Variants in IFT80 observed in about 807,000 individuals in gnomAD.
IFT80 encodes intraflagellar transport protein 80 homolog.
Under a neutral mutation model 107.9 loss-of-function variants are expected in IFT80, and 79 were observed. The ratio of observed to expected loss-of-function variants is 0.73; its 90% CI spans 0.61 to 0.88. The LOEUF is 0.88. IFT80 is among the 40% of genes least tolerant of loss of function. The pLI is 0.00. For missense variants in IFT80, 797 were observed against 914.2 expected (o/e 0.87, Z 1.65); for synonymous variants, 299 against 300.9 (o/e 0.99, Z 0.07).
chr3:160,351,660 T>C (rs1431725413), intron 8 of IFT80, among the ~76,000 whole-genome samples: 1 of 146,350 alleles, frequency 6.8e-6, no homozygotes, highest in East Asian at 2.0e-4. Flanking sequence ...TACATATGCA[T>C]ACATACACAC....
At chr3:160,392,860 A>T (rs763506145) in intron 1 of IFT80, among the ~76,000 whole-genome samples, 7 of 152,216 alleles carry the variant, frequency 4.6e-5, no homozygotes, top group Non-Finnish European at 5.9e-5. Context: ...GCTTGAGGCC[A>T]GGAGTTCAAG....
chr3:160,385,252 AAAG>A (rs1712833841), intron 1 of IFT80, among the ~76,000 whole-genome samples: 1 of 152,234 alleles, frequency 6.6e-6, no homozygotes, highest in African/African-American at 2.4e-5. Context: ...AAACTTAGGA[AAAG>A]AAGAATAACA....
At chr3:160,279,906 A>T (rs2108230067) in intron 15 of IFT80, among the ~76,000 whole-genome samples, 1 of 152,342 alleles carries the variant, frequency 6.6e-6, no homozygotes, top group Non-Finnish European at 1.5e-5. Context: ...TTGGCAACAG[A>T]GTGTGACCTT....
chr3:160,333,777 T>C (rs1346153403), intron 8 of IFT80, among the ~76,000 whole-genome samples: 4 of 152,194 alleles, frequency 2.6e-5, no homozygotes, highest in African/African-American at 9.7e-5. Flanking sequence ...AGTTAACTTC[T>C]TTTTAAAATT....
In IFT80 at chr3:160,277,363, TGAA is replaced by T. The variant is rs1169822318; in HGVS notation, c.2039_2041del (p.Leu680del). The T allele has an allele frequency of 6.2e-7, 1 of 1,613,668 alleles. No homozygotes were observed. The highest frequency in any genetic ancestry group is 8.5e-7 in the Non-Finnish European group (1 of 1,179,826). On this transcript the variant is annotated inframe_deletion, in exon 18 of 20. Transcript: ENST00000326448. ...GATTGCTTGATAAACAAGGCCAGCCTGAAGAAGTACTATTTCAGCCTCCTGTAT... is the reference window on the plus strand; with the variant it reads ...GATTGCTTGATAAACAAGGCCAGCCTGAAGTACTATTTCAGCCTCCTGTAT...
chr3:160,258,538 C>T lies in IFT80; in HGVS notation c.2321G>A (p.Gly774Asp). 1 of 1,613,670 alleles carries T rather than the reference C, an allele frequency of 6.2e-7. No individual in the cohort carries two copies. Among genetic ancestry groups the T allele is most frequent in the Non-Finnish European group, 8.5e-7 (1 of 1,179,940 alleles). The change falls in exon 20 of 20, where the codon GGT becomes GAT. Residue 774 changes from glycine to aspartate, a missense_variant. Gly to Asp is a moderately conservative substitution (Grantham distance 94, BLOSUM62 -1). Coordinates refer to ENST00000326448, the MANE Select transcript of IFT80 (RefSeq NM_020800.3). ...SSSSQSSKSI[G>D]LKP ...TACGCATGGCATTTAGGGCTTTAAA[C>T]CTATACTCTTGCTGGATTGGCTGCT... is the stretch of plus-strand genomic sequence containing the variant.
chr3:160,279,866 G>A (rs571325305), intron 15 of IFT80, among the ~76,000 whole-genome samples: 2 of 152,316 alleles, frequency 1.3e-5, no homozygotes, highest in African/African-American at 4.8e-5. Flanking sequence ...AGGCTGCAGT[G>A]AGCCATGATT....
At chr3:160,394,607 G>A (rs548830831) in intron 1 of IFT80, among the ~76,000 whole-genome samples, 1 of 152,172 alleles carries the variant, frequency 6.6e-6, no homozygotes, top group African/African-American at 2.4e-5. Context: ...AAATTAGCTG[G>A]GCGTGGTGGC....
At chr3:160,327,600 A>T (rs1718764389) in intron 8 of IFT80, among the ~76,000 whole-genome samples, 2 of 151,724 alleles carry the variant, frequency 1.3e-5, no homozygotes, top group Admixed American at 6.6e-5. Context: ...TTAATAAACA[A>T]ATTTAATAAA....
intron 2 of IFT80, 103 bp downstream of exon 2, chr3:160,384,461 G>T: frequency 7.5e-7 from 1 of 1,326,554 alleles, no homozygotes; most frequent in Non-Finnish European, 9.8e-7. Context: ...CTAAAGGAAT[G>T]AAAAAAAAAA....
intron 19 of IFT80, among the ~76,000 whole-genome samples, chr3:160,262,310 G>T (rs1364069086): frequency 6.6e-6 from 1 of 152,126 alleles, no homozygotes; most frequent in Non-Finnish European, 1.5e-5. Flanking sequence ...GGCTTCCAGA[G>T]ATTGGAAACC....
intron 19 of IFT80, among the ~76,000 whole-genome samples, chr3:160,264,471 G>C (rs1713127594): frequency 6.6e-6 from 1 of 151,514 alleles, no homozygotes; most frequent in Admixed American, 6.6e-5. Flanking sequence ...GGCCCAGGTT[G>C]GAGTGTAGTG....
At chr3:160,317,591 A>AT (rs1315825618) in intron 9 of IFT80, among the ~76,000 whole-genome samples, 8 of 152,134 alleles carry the variant, frequency 5.3e-5, no homozygotes, top group Admixed American at 1.3e-4. Flanking sequence ...CTCACAATGG[A>AT]TTCTATGTCA....
chr3:160,300,209 A>C (rs1716318158), intron 12 of IFT80, among the ~76,000 whole-genome samples: 1 of 152,054 alleles, frequency 6.6e-6, no homozygotes, highest in Non-Finnish European at 1.5e-5. Flanking sequence ...TTAAATTTTA[A>C]TTTTTATTTG....
intron 9 of IFT80, among the ~76,000 whole-genome samples, chr3:160,315,247 A>G (rs769626228): frequency 2.6e-5 from 4 of 152,208 alleles, no homozygotes; most frequent in Non-Finnish European, 5.9e-5. Flanking sequence ...ATTTTTACAT[A>G]AGATAAACAC....
At chr3:160,340,949 T>C (rs910278313) in intron 8 of IFT80, among the ~76,000 whole-genome samples, 2 of 152,210 alleles carry the variant, frequency 1.3e-5, no homozygotes, top group African/African-American at 4.8e-5. Flanking sequence ...TATAAAAGCA[T>C]ATTCCTTTTT....
chr3:160,335,147 CT>C (rs754322594), intron 8 of IFT80, among the ~76,000 whole-genome samples: 1,589 of 143,186 alleles, frequency 0.011, 22 homozygotes, highest in African/African-American at 0.03. Context: ...AAAAAATCCT[CT>C]TTTTTTTTTT....
At chr3:160,380,453 C>G (rs933891468) in intron 3 of IFT80, among the ~76,000 whole-genome samples, 2 of 152,176 alleles carry the variant, frequency 1.3e-5, no homozygotes, top group Non-Finnish European at 2.9e-5. Context: ...CCGTCATACT[C>G]ACCATCATGT....
Position 160,266,647 on chromosome 3 carries a change from G to A in IFT80, c.2223+1766C>T, listed in dbSNP as rs565255042. ...GATCCTCCTGCCTCAGCCTCCCAAA[G>A]TGTTGGGATTATAGGCTTGAGCCAC... On this transcript the variant is annotated intron_variant, in intron 19 of 19. Transcript: ENST00000326448. Among the ~76,000 whole-genome samples, 198 of 152,214 alleles carry A rather than the reference G, an allele frequency of 1.3e-3. 1 individual carries two copies. The highest frequency in any genetic ancestry group is 4.6e-3 in the African/African-American group (190 of 41,528).
Sources: allele counts gnomAD v4.1 joint callset (sites outside exome capture counted in the v4.1 genomes callset), GRCh38; gene constraint gnomAD v4.1.1; transcripts MANE v1.5; gene names NCBI Gene and HGNC (gene_info 2026-07-23, HGNC 2026-07-21).